The following RIMS2 variants were observed in gnomAD, a reference collection of about 807,000 sequenced individuals.
RIMS2 encodes the protein regulating synaptic membrane exocytosis protein 2.
A neutral mutation model predicts 174.4 loss-of-function variants in RIMS2; 59 were observed. The observed-to-expected ratio is 0.34, with a 90% confidence interval of 0.27 to 0.42. RIMS2 has a LOEUF of 0.42. RIMS2 is among the 10% of genes least tolerant of loss of function. The pLI is 1.00. For missense variants in RIMS2, 1,620 were observed against 1,666.3 expected (o/e 0.97, Z 0.48); for synonymous variants, 606 against 572.5 (o/e 1.06, Z -0.84).
intron 19 of RIMS2, among the ~76,000 whole-genome samples, chr8:104,128,265 G>A (rs2098447446): frequency 6.6e-6 from 1 of 152,176 alleles, no homozygotes; most frequent in East Asian, 1.9e-4. Flanking sequence ...TTGGGATGGT[G>A]GGGTATTTAT....
intron 17 of RIMS2, among the ~76,000 whole-genome samples, chr8:104,005,500 TTTA>T (rs770428581): frequency 6.6e-6 from 1 of 152,062 alleles, no homozygotes; most frequent in Non-Finnish European, 1.5e-5. Flanking sequence ...TTTAAGGAAG[TTTA>T]TTAACAATGG....
chr8:104,124,055 T>C (rs2098408073), intron 19 of RIMS2, among the ~76,000 whole-genome samples: 1 of 152,124 alleles, frequency 6.6e-6, no homozygotes, highest in Non-Finnish European at 1.5e-5. Context: ...TTGGTATTTT[T>C]TAATTTAAAA....
chr8:103,853,768 C>T (rs2099012092), intron 3 of RIMS2, among the ~76,000 whole-genome samples: 3 of 152,056 alleles, frequency 2.0e-5, no homozygotes, highest in Admixed American at 1.3e-4. Flanking sequence ...AAGTACCATG[C>T]TGTTTTGGTT....
At chr8:103,810,451 G>T (rs1315265943) in intron 3 of RIMS2, among the ~76,000 whole-genome samples, 2 of 152,158 alleles carry the variant, frequency 1.3e-5, no homozygotes, top group African/African-American at 4.8e-5. Context: ...GTATTATATA[G>T]CTGGCAATGA....
At chr8:103,601,511 G>T (rs1303804468) in intron 1 of RIMS2, among the ~76,000 whole-genome samples, 1 of 151,742 alleles carries the variant, frequency 6.6e-6, no homozygotes, top group East Asian at 1.9e-4. Flanking sequence ...GTTTCCATTG[G>T]CATGGAATAT....
intron 1 of RIMS2, among the ~76,000 whole-genome samples, chr8:103,608,170 G>A (rs1413604841): frequency 6.9e-6 from 1 of 145,310 alleles, no homozygotes; most frequent in Non-Finnish European, 1.5e-5. Context: ...TGTACAGATG[G>A]GTTTTTGGTG....
chr8:103,939,417 A>G (rs532947193), intron 13 of RIMS2, among the ~76,000 whole-genome samples: 1 of 152,248 alleles, frequency 6.6e-6, no homozygotes, highest in South Asian at 2.1e-4. Context: ...TGGGATGCAC[A>G]TCACCAAGTC....
intron 3 of RIMS2, among the ~76,000 whole-genome samples, chr8:103,828,850 A>T (rs530679865): frequency 6.6e-6 from 1 of 152,114 alleles, no homozygotes; most frequent in South Asian, 2.1e-4. Flanking sequence ...TTTCTTTGTC[A>T]ACTTTGTTGA....
At chr8:103,954,974 C>T (rs1198708889) in intron 14 of RIMS2, among the ~76,000 whole-genome samples, 1 of 152,156 alleles carries the variant, frequency 6.6e-6, no homozygotes, top group Non-Finnish European at 1.5e-5. Flanking sequence ...ATAAACACCT[C>T]AATGCAAACA....
chr8:104,045,438 T>C (rs567359219), intron 19 of RIMS2, among the ~76,000 whole-genome samples: 98 of 152,020 alleles, frequency 6.4e-4, no homozygotes, highest in Non-Finnish European at 1.0e-3. Flanking sequence ...ATATGACAAT[T>C]TTTTAAAATA....
At chr8:104,009,456 C>T (rs1490673357) in intron 17 of RIMS2, among the ~76,000 whole-genome samples, 1 of 151,776 alleles carries the variant, frequency 6.6e-6, no homozygotes, top group Non-Finnish European at 1.5e-5. Flanking sequence ...ACCACACCCG[C>T]TATTTTTTAT....
intron 19 of RIMS2, among the ~76,000 whole-genome samples, chr8:104,191,579 A>G (rs1231785295): frequency 6.6e-6 from 1 of 152,170 alleles, no homozygotes; most frequent in Non-Finnish European, 1.5e-5. Flanking sequence ...CAAAAGAAAT[A>G]TTTAGAAGCT....
chr8:104,097,973 C>T (rs2097791834), intron 19 of RIMS2, among the ~76,000 whole-genome samples: 1 of 152,080 alleles, frequency 6.6e-6, no homozygotes, highest in Non-Finnish European at 1.5e-5. Flanking sequence ...AATGCTAGTA[C>T]TTACAATTAA....
chr8:103,593,698 T>C lies in RIMS2; in HGVS notation c.176+92636T>C, dbSNP rs188358400. Among the ~76,000 whole-genome samples the C allele has an allele frequency of 7.4e-3, 1,124 of 151,604 alleles. 6 individuals are homozygous for C. Among genetic ancestry groups the C allele is most frequent in the Non-Finnish European group, 0.012 (809 of 67,576 alleles). On this transcript the variant is annotated intron_variant, in intron 1 of 23. Coordinates refer to ENST00000504942, the Ensembl canonical transcript of RIMS2. ...GTTGTGCAAAAATATAAAATAATATTATTTTCTCAGTAAATCTTTTGAGAA... is the reference window on the plus strand; with the variant it reads ...GTTGTGCAAAAATATAAAATAATATCATTTTCTCAGTAAATCTTTTGAGAA...
intron 3 of RIMS2, among the ~76,000 whole-genome samples, chr8:103,874,364 A>G (rs2099125719): frequency 6.6e-6 from 1 of 152,062 alleles, no homozygotes; most frequent in African/African-American, 2.4e-5. Context: ...AGTTCAATCA[A>G]AACCACAAAG....
intron 19 of RIMS2, among the ~76,000 whole-genome samples, chr8:104,070,231 T>G (rs2097174208): frequency 6.6e-6 from 1 of 152,202 alleles, no homozygotes; most frequent in African/African-American, 2.4e-5. Context: ...ACTTCTAAAC[T>G]ACCAGTCTCT....
intron 19 of RIMS2, among the ~76,000 whole-genome samples, chr8:104,241,412 TATC>T (rs2099293955): frequency 1.3e-5 from 2 of 152,286 alleles, no homozygotes; most frequent in South Asian, 2.1e-4. Context: ...ATTACATGCT[TATC>T]ATATTATTCT....
chr8:103,701,222 A>C (rs964661109), intron 2 of RIMS2, among the ~76,000 whole-genome samples: 1 of 151,920 alleles, frequency 6.6e-6, no homozygotes, highest in Non-Finnish European at 1.5e-5. Flanking sequence ...TTAAAAAGAT[A>C]TTTTTGCTGA....
intron 19 of RIMS2, among the ~76,000 whole-genome samples, chr8:104,014,882 AG>A (rs925089621): frequency 4.6e-5 from 7 of 152,180 alleles, no homozygotes; most frequent in African/African-American, 1.7e-4. Flanking sequence ...CTCTTAAATA[AG>A]TTGTTGGATA....
Sources: gnomAD v4.1 joint callset for allele counts (sites outside exome capture counted in the v4.1 genomes callset) on GRCh38, gnomAD v4.1.1 for gene constraint, MANE v1.5 for transcripts, NCBI Gene and HGNC (gene_info 2026-07-23, HGNC 2026-07-21) for gene names.